Variants in DENND5B observed in about 807,000 individuals in gnomAD.
DENND5B encodes the protein DENN domain containing 5B, also known as DENN domain-containing protein 5B.
A neutral mutation model predicts 140.6 loss-of-function variants in DENND5B; 34 were observed. The ratio of observed to expected loss-of-function variants is 0.24; its 90% CI spans 0.18 to 0.32. DENND5B has a LOEUF of 0.32. Among genes scored for constraint, DENND5B ranks in the 10% least tolerant of loss-of-function variants. DENND5B has a pLI of 1.00. For missense variants in DENND5B, 1,142 were observed against 1,560.2 expected (o/e 0.73, Z 4.52); for synonymous variants, 551 against 562.1 (o/e 0.98, Z 0.28).
At chr12:31,414,224 A>G (rs1942607710) in intron 12 of DENND5B, among the ~76,000 whole-genome samples, 1 of 152,162 alleles carries the variant, frequency 6.6e-6, no homozygotes, top group Non-Finnish European at 1.5e-5. Context: ...ATCTTATGAC[A>G]CTGCTTTAAA....
chr12:31,410,837 G>A (rs1446081013), intron 13 of DENND5B, among the ~76,000 whole-genome samples: 1 of 152,148 alleles, frequency 6.6e-6, no homozygotes, highest in East Asian at 1.9e-4. Flanking sequence ...AAACTCTTCT[G>A]ATACGGTGAA....
At chr12:31,445,875 G>T (rs1944253003) in intron 6 of DENND5B, among the ~76,000 whole-genome samples, 1 of 151,514 alleles carries the variant, frequency 6.6e-6, no homozygotes, top group African/African-American at 2.4e-5. Context: ...CGAGGGTGGT[G>T]GCACATGCCT....
intron 3 of DENND5B, among the ~76,000 whole-genome samples, chr12:31,474,491 T>A (rs946639400): frequency 6.6e-5 from 10 of 152,150 alleles, no homozygotes; most frequent in African/African-American, 2.2e-4. Context: ...TAGTTACCAC[T>A]GCAAAGTGAC....
intron 1 of DENND5B, among the ~76,000 whole-genome samples, chr12:31,559,079 C>T (rs1949389550): frequency 6.6e-6 from 1 of 152,024 alleles, no homozygotes; most frequent in African/African-American, 2.4e-5. Flanking sequence ...AAGTTCTAAC[C>T]CCAGATGAAA....
chr12:31,537,720 G>A (rs1342316427), intron 1 of DENND5B, among the ~76,000 whole-genome samples: 1 of 151,980 alleles, frequency 6.6e-6, no homozygotes, highest in Non-Finnish European at 1.5e-5. Context: ...AAGACTCAGT[G>A]ATCTGTTGCC....
intron 2 of DENND5B, among the ~76,000 whole-genome samples, chr12:31,486,554 T>A (rs1265612646): frequency 1.3e-5 from 2 of 152,248 alleles, no homozygotes; most frequent in Admixed American, 1.3e-4. Flanking sequence ...GCACTGTCTA[T>A]GGATGCCTTC....
chr12:31,391,707 C>CA (rs1941152803), intron 19 of DENND5B, among the ~76,000 whole-genome samples: 1 of 152,148 alleles, frequency 6.6e-6, no homozygotes, highest in Non-Finnish European at 1.5e-5. Flanking sequence ...GGCTGGAGTG[C>CA]AGTAGCTTGA....
chr12:31,544,665 CA>C (rs58084820), intron 1 of DENND5B, among the ~76,000 whole-genome samples: 84,550 of 151,672 alleles, frequency 0.56, 24,012 homozygotes, highest in East Asian at 0.82. Flanking sequence ...AATTCAACTA[CA>C]AAAAAAATTT....
chr12:31,454,131 G>A (rs1344605356), intron 4 of DENND5B, among the ~76,000 whole-genome samples: 1 of 145,436 alleles, frequency 6.9e-6, no homozygotes, highest in African/African-American at 2.5e-5. Flanking sequence ...AAAACACAGC[G>A]AGACTTTGGC....
chr12:31,583,750 A>G (rs987318291), intron 1 of DENND5B, among the ~76,000 whole-genome samples: 1 of 152,180 alleles, frequency 6.6e-6, no homozygotes, highest in Non-Finnish European at 1.5e-5. Flanking sequence ...TGGCATGTGG[A>G]AAGCACTCTA....
Position 31,452,596 on chromosome 12 carries a change from A to T in DENND5B, c.1093-120T>A. ...CCCAGCACTTTGGGAGGCCAAAGCA[A>T]AAGGATCGCTTGAGCCCAGGGGTTC... On this transcript the variant is annotated intron_variant, in intron 4 of 20. Transcript: ENST00000389082. 2.8e-6 allele frequency: 3 copies of T among 1,077,584 alleles called. 1 individual carries two copies. Among genetic ancestry groups the T allele is most frequent in the Non-Finnish European group, 3.9e-6 (3 of 778,734 alleles). 66.8% of individuals were successfully genotyped at this position (1,077,584 alleles called of 1,614,324 possible).
chr12:31,518,705 G>A (rs1286499841), intron 1 of DENND5B, among the ~76,000 whole-genome samples: 1 of 151,482 alleles, frequency 6.6e-6, no homozygotes, highest in African/African-American at 2.4e-5. Context: ...CACACTCACT[G>A]CATCATACTC....
At chr12:31,509,973 C>CCA (rs1412893732) in intron 1 of DENND5B, among the ~76,000 whole-genome samples, 2 of 152,144 alleles carry the variant, frequency 1.3e-5, no homozygotes, top group African/African-American at 4.8e-5. Context: ...CATTTGAGGA[C>CCA]CACCATGATC....
intron 1 of DENND5B, among the ~76,000 whole-genome samples, chr12:31,571,777 T>C (rs1949831397): frequency 6.6e-6 from 1 of 152,118 alleles, no homozygotes; most frequent in Non-Finnish European, 1.5e-5. Flanking sequence ...CGGCTAATTT[T>C]TGTGTATTTT....
intron 1 of DENND5B, among the ~76,000 whole-genome samples, chr12:31,522,194 A>G (rs1012842337): frequency 6.6e-6 from 1 of 152,198 alleles, no homozygotes; most frequent in African/African-American, 2.4e-5. Flanking sequence ...CCCACTAGGG[A>G]GAGTTAGATA....
At chr12:31,395,900 T>C (rs551848556) in intron 17 of DENND5B, among the ~76,000 whole-genome samples, 1 of 147,428 alleles carries the variant, frequency 6.8e-6, no homozygotes, top group Non-Finnish European at 1.5e-5. Context: ...CAGAAATACA[T>C]TTTGTTGCAG....
intron 1 of DENND5B, among the ~76,000 whole-genome samples, chr12:31,516,035 C>G (rs79575480): frequency 0.014 from 2,151 of 152,216 alleles, 59 homozygotes; most frequent in African/African-American, 0.048. Context: ...TTATCTTGCA[C>G]GTAGATGTAT....
chr12:31,496,382 T>C (rs906407230), intron 1 of DENND5B, among the ~76,000 whole-genome samples: 3 of 152,150 alleles, frequency 2.0e-5, no homozygotes, highest in African/African-American at 7.2e-5. Context: ...CTCTGAGAAA[T>C]GTGATTGCAT....
At chr12:31,393,567 G>A (rs1425372244) in intron 17 of DENND5B, among the ~76,000 whole-genome samples, 1 of 152,052 alleles carries the variant, frequency 6.6e-6, no homozygotes, top group Non-Finnish European at 1.5e-5. Context: ...CAACAGAAAA[G>A]GTATATAGTT....
Sources: gnomAD v4.1 joint callset for allele counts (sites outside exome capture counted in the v4.1 genomes callset) on GRCh38, gnomAD v4.1.1 for gene constraint, MANE v1.5 for transcripts, NCBI Gene and HGNC (gene_info 2026-07-23, HGNC 2026-07-21) for gene names.